The following PXDNL variants were observed in gnomAD, a reference collection of about 807,000 sequenced individuals.
PXDNL encodes peroxidasin like.
In PXDNL, 145 loss-of-function variants were observed where a neutral mutation model predicts 150.8. The observed-to-expected ratio is 0.96, with a 90% confidence interval of 0.84 to 1.10. PXDNL has a LOEUF of 1.10. Among genes scored for constraint, PXDNL ranks in the 50% least tolerant of loss-of-function variants. PXDNL has a pLI of 0.00. For missense variants in PXDNL, 2,087 were observed against 1,873.9 expected, an observed-to-expected ratio of 1.11 and a Z score of -2.10; for synonymous variants, 757 against 725.7, an observed-to-expected ratio of 1.04 and a Z score of -0.69.
chr8:51,526,985 T>C (rs1003039027), intron 4 of PXDNL, among the ~76,000 whole-genome samples: 1 of 152,198 alleles, frequency 6.6e-6, no homozygotes, highest in African/African-American at 2.4e-5. Context: ...TCACCCTCCT[T>C]CCCACTCAGC....
intron 17 of PXDNL, among the ~76,000 whole-genome samples, chr8:51,390,098 T>C (rs1807848435): frequency 6.6e-6 from 1 of 152,112 alleles, no homozygotes; most frequent in African/African-American, 2.4e-5. Context: ...TAAAAAATGT[T>C]ATGAAGTACC....
intron 19 of PXDNL, among the ~76,000 whole-genome samples, chr8:51,371,343 C>T (rs1807105926): frequency 6.6e-6 from 1 of 152,184 alleles, no homozygotes; most frequent in Admixed American, 6.5e-5. Context: ...CTTATAGAAG[C>T]ACCTTAGGGA....
intron 3 of PXDNL, among the ~76,000 whole-genome samples, chr8:51,584,062 T>TA (rs1322767739): frequency 2.6e-5 from 4 of 152,234 alleles, no homozygotes; most frequent in Non-Finnish European, 2.9e-5. Context: ...TCCAAAGTCA[T>TA]AAAAAAATCA....
chr8:51,471,136 T>A (rs1810321105), intron 8 of PXDNL, among the ~76,000 whole-genome samples: 1 of 70,684 alleles, frequency 1.4e-5, no homozygotes, highest in Non-Finnish European at 2.9e-5. Context: ...TTAAACAAAT[T>A]TACAAAAAAA....
At chr8:51,598,139 G>A (rs1045125605) in intron 2 of PXDNL, among the ~76,000 whole-genome samples, 1 of 152,114 alleles carries the variant, frequency 6.6e-6, no homozygotes, top group African/African-American at 2.4e-5. Context: ...GTTTATGGTG[G>A]AATTTTTAGA....
chr8:51,597,929 G>T (rs975250944), intron 2 of PXDNL, among the ~76,000 whole-genome samples: 2 of 151,994 alleles, frequency 1.3e-5, no homozygotes, highest in African/African-American at 4.8e-5. Flanking sequence ...GGTCAGGATG[G>T]TCTCAAACTC....
chr8:51,643,611 A>G (rs1470072039), intron 2 of PXDNL, among the ~76,000 whole-genome samples: 1 of 152,200 alleles, frequency 6.6e-6, no homozygotes, highest in East Asian at 1.9e-4. Context: ...CCTAGGCAAT[A>G]CCATTCAGGA....
In PXDNL at chr8:51,408,242, A is replaced by G; in HGVS notation, c.3382T>C (p.Ser1128Pro). 1 of 1,613,742 alleles carries G rather than the reference A, an allele frequency of 6.2e-7. No individual in the cohort carries two copies. Among genetic ancestry groups the G allele is most frequent in the Non-Finnish European group, 8.5e-7 (1 of 1,179,654 alleles). ...TCCACGGCCGCAGAATAAGCCGCGG[A>G]GAAGAGCCTCTGGGTCAGCTCAGGA... The part of the protein sequence containing the change: ...LSPELTQRLF[S>P]AAYSAAVDSA... The change falls in exon 17 of 23, where the codon TCC becomes CCC. Residue 1128 changes from serine (S) to proline (P), a missense_variant. Transcript: ENST00000356297.
intron 3 of PXDNL, among the ~76,000 whole-genome samples, chr8:51,566,085 C>G (rs1039351987): frequency 6.6e-6 from 1 of 151,796 alleles, no homozygotes; most frequent in African/African-American, 2.4e-5. Flanking sequence ...CTTCCCTAAC[C>G]TGTTGATATG....
intron 10 of PXDNL, among the ~76,000 whole-genome samples, chr8:51,451,154 A>G (rs1193617440): frequency 6.6e-6 from 1 of 151,320 alleles, no homozygotes; most frequent in African/African-American, 2.4e-5. Flanking sequence ...TATTAAAAAT[A>G]TTAACATTTA....
intron 3 of PXDNL, among the ~76,000 whole-genome samples, chr8:51,577,935 GAA>G (rs1188879173): frequency 3.9e-5 from 2 of 50,712 alleles, no homozygotes; most frequent in Non-Finnish European, 4.1e-5. Flanking sequence ...AAGAAAGAAA[GAA>G]AGAAAGAAAG....
chr8:51,674,972 C>T (rs78627726), intron 1 of PXDNL, among the ~76,000 whole-genome samples: 13,204 of 152,184 alleles, frequency 0.087, 701 homozygotes, highest in East Asian at 0.14. Context: ...CCTGGAAGGC[C>T]TTCTCTAGTA....
chr8:51,341,921 A>T (rs1805994543), intron 20 of PXDNL, among the ~76,000 whole-genome samples: 1 of 152,202 alleles, frequency 6.6e-6, no homozygotes, highest in African/African-American at 2.4e-5. Context: ...GCAACATGGA[A>T]CTACCATTTC....
At chr8:51,372,121 T>G in intron 18 of PXDNL, 40 bp from the exon 19 acceptor site, 1 of 1,484,706 alleles carries the variant, frequency 6.7e-7, no homozygotes. Flanking sequence ...CGTGGGTCTG[T>G]GGCCTGAGAA....
intron 1 of PXDNL, among the ~76,000 whole-genome samples, chr8:51,751,102 A>G (rs2037041676): frequency 6.6e-6 from 1 of 152,222 alleles, no homozygotes; most frequent in Admixed American, 6.5e-5. Context: ...TTTTCAAAAA[A>G]GAAATATCAT....
intron 4 of PXDNL, among the ~76,000 whole-genome samples, chr8:51,500,217 T>C (rs1811152969): frequency 6.6e-6 from 1 of 152,238 alleles, no homozygotes; most frequent in Non-Finnish European, 1.5e-5. Flanking sequence ...GTATGGCATA[T>C]TTGATGTCAT....
At chr8:51,739,592 CA>C (rs1269116683) in intron 1 of PXDNL, among the ~76,000 whole-genome samples, 9 of 152,020 alleles carry the variant, frequency 5.9e-5, no homozygotes, top group Non-Finnish European at 1.5e-5. Flanking sequence ...GATAAATACA[CA>C]AAAATCAATT....
chr8:51,700,845 TAC>T (rs10544454), intron 1 of PXDNL, among the ~76,000 whole-genome samples: 4,322 of 151,368 alleles, frequency 0.029, 204 homozygotes, highest in African/African-American at 0.099. Context: ...CATATACACA[TAC>T]ACTCACAAAT....
intron 2 of PXDNL, among the ~76,000 whole-genome samples, chr8:51,623,280 C>T (rs1025437119): frequency 1.1e-4 from 17 of 152,176 alleles, no homozygotes; most frequent in Admixed American, 1.0e-3. Flanking sequence ...GATGTTGGCA[C>T]CACCCCTAAG....
Sources: gnomAD v4.1 joint callset for allele counts (sites outside exome capture counted in the v4.1 genomes callset) on GRCh38, gnomAD v4.1.1 for gene constraint, MANE v1.5 for transcripts, NCBI Gene and HGNC (gene_info 2026-07-23, HGNC 2026-07-21) for gene names.